The following AGAP1 variants were observed in gnomAD, a reference collection of about 807,000 sequenced individuals.
The protein encoded by AGAP1 is ArfGAP with GTPase domain, ankyrin repeat and PH domain 1.
Under a neutral mutation model 105.3 loss-of-function variants are expected in AGAP1, and 29 were observed. The observed-to-expected ratio is 0.28, with a 90% confidence interval of 0.21 to 0.38. The LOEUF is 0.38. AGAP1 is among the 10% of genes least tolerant of loss of function. The pLI is 1.00. For synonymous variants in AGAP1, 509 were observed against 485.9 expected, an observed-to-expected ratio of 1.05 and a Z score of -0.63; for missense variants, 998 against 1,165.1, an observed-to-expected ratio of 0.86 and a Z score of 2.09.
At chr2:235,781,337 T>C (rs985172771) in intron 6 of AGAP1, among the ~76,000 whole-genome samples, 1 of 152,256 alleles carries the variant, frequency 6.6e-6, no homozygotes, top group African/African-American at 2.4e-5. Flanking sequence ...CTTGGATTCA[T>C]TCCCTGGAAA....
At chr2:235,510,694 G>C (rs1002780217) in intron 1 of AGAP1, among the ~76,000 whole-genome samples, 2 of 152,190 alleles carry the variant, frequency 1.3e-5, no homozygotes, top group African/African-American at 4.8e-5. Flanking sequence ...CTTAAGTTCA[G>C]CAGGCTTCTG....
rs1194868011 is a variant in AGAP1 at position 236,109,028 on chromosome 2, CTG to C, written c.2115-11159_2115-11158del. The stretch of plus-strand genomic sequence containing the variant: ...AGGACCAAAACACAGCTGATGGTGG[CTG>C]TGTGAGACCTCATCTTTGCAGCTCT... On this transcript the variant is annotated intron_variant, in intron 16 of 17. Transcript: ENST00000304032. This position sits in a 1 kb window ranked among gnomAD's most constrained non-coding sequence, Gnocchi z 5.4. Among the ~76,000 whole-genome samples, 1 of 152,218 alleles carries C rather than the reference CTG, an allele frequency of 6.6e-6. No homozygotes were observed. The highest frequency in any genetic ancestry group is 1.5e-5 in the Non-Finnish European group (1 of 68,034).
At chr2:235,941,231 C>T (rs1330401604) in intron 12 of AGAP1, among the ~76,000 whole-genome samples, 1 of 152,126 alleles carries the variant, frequency 6.6e-6, no homozygotes, top group Non-Finnish European at 1.5e-5. Context: ...AACTGGTTTT[C>T]CTCCCTCGGA....
At position 236,120,375 on chromosome 2, in the gene AGAP1, G is replaced by A. The variant is rs572557291; in HGVS notation, c.2298G>A (p.Glu766=). Residue 766 remains glutamate (E), a synonymous_variant, in exon 17 of 18, where the codon GAG becomes GAA. Coordinates refer to ENST00000304032, the MANE Select transcript of AGAP1 (RefSeq NM_001037131.3). This position sits in a 1 kb window ranked among gnomAD's most constrained non-coding sequence, Gnocchi z 6.0. ...SRDEVNETCG[E]GDGRTALHLA... The stretch of plus-strand genomic sequence containing the variant: ...ACGAGGTGAACGAGACCTGCGGGGA[G>A]GGAGACGGCCGCACGGCGCTGCATC... 2 of 1,611,664 alleles carry A rather than the reference G, an allele frequency of 1.2e-6. No homozygotes were observed. The highest frequency in any genetic ancestry group is 4.5e-5 in the East Asian group (2 of 44,868).
intron 1 of AGAP1, among the ~76,000 whole-genome samples, chr2:235,554,145 G>A (rs933579585): frequency 4.6e-5 from 7 of 152,366 alleles, no homozygotes; most frequent in East Asian, 1.9e-4. Flanking sequence ...AGAAGCAGAA[G>A]GAGCCTATAA....
intron 1 of AGAP1, among the ~76,000 whole-genome samples, chr2:235,545,597 T>A (rs1943597629): frequency 1.3e-5 from 2 of 152,252 alleles, no homozygotes; most frequent in African/African-American, 4.8e-5. Context: ...CACTGGCCCG[T>A]GGGCGTCACT....
intron 13 of AGAP1, among the ~76,000 whole-genome samples, chr2:235,974,640 CCT>C (rs1262029542): frequency 3.9e-5 from 6 of 152,196 alleles, no homozygotes; most frequent in African/African-American, 1.4e-4. Flanking sequence ...CACAAACGGG[CCT>C]CTCACTGTTA....
In AGAP1 at chr2:235,789,610, A is replaced by G. The variant is rs1192634393; in HGVS notation, c.674-8149A>G. ...TTAACCACAGCCTATTTTAGATTAG[A>G]GGGTTGTTTGCTCAAAAAAAAAATA... On this transcript the variant is annotated intron_variant, in intron 6 of 17. Coordinates refer to ENST00000304032, the MANE Select transcript of AGAP1 (RefSeq NM_001037131.3). This position sits in a 1 kb window ranked among gnomAD's most constrained non-coding sequence, Gnocchi z 4.2. Among the ~76,000 whole-genome samples the G allele has an allele frequency of 1.3e-5, 2 of 151,688 alleles. No individual in the cohort carries two copies. Among genetic ancestry groups the G allele is most frequent in the African/African-American group, 4.9e-5 (2 of 41,110 alleles).
At chr2:235,868,555 T>A (rs1376642014) in intron 9 of AGAP1, among the ~76,000 whole-genome samples, 1 of 152,154 alleles carries the variant, frequency 6.6e-6, no homozygotes, top group Admixed American at 6.5e-5. Context: ...GTAACGATGA[T>A]CCCTGTGCGA....
rs1443222643 is a variant in AGAP1, at chr2:235,552,798, G to C, written c.163+57949G>C. Among the ~76,000 whole-genome samples, 1 of 152,226 alleles carries C rather than the reference G, an allele frequency of 6.6e-6. No homozygotes were observed. Among genetic ancestry groups the C allele is most frequent in the Non-Finnish European group, 1.5e-5 (1 of 68,040 alleles). On this transcript the variant is annotated intron_variant, in intron 1 of 17. Coordinates refer to ENST00000304032, the MANE Select transcript of AGAP1 (RefSeq NM_001037131.3). The surrounding 1 kb of genome is among the most constrained non-coding windows in gnomAD (Gnocchi z 5.9). ...AGTTTCAGAAAGCCAGCTGCAGAAT[G>C]CAGTGCCTGACAGAGTGTGATGGGC...
chr2:235,852,766 C>G (rs1224041108), intron 9 of AGAP1: 6 of 1,535,372 alleles, frequency 3.9e-6, no homozygotes, highest in South Asian at 1.2e-5. Context: ...AGTCCTCCCC[C>G]TGGCCAGGGC....
intron 1 of AGAP1, among the ~76,000 whole-genome samples, chr2:235,579,937 G>A (rs1319415621): frequency 6.6e-6 from 1 of 152,124 alleles, no homozygotes; most frequent in Admixed American, 6.5e-5. Flanking sequence ...CCTGACGACC[G>A]CCAGTCTTCT....
intron 1 of AGAP1, among the ~76,000 whole-genome samples, chr2:235,498,288 A>G (rs528494479): frequency 1.3e-5 from 2 of 152,140 alleles, no homozygotes; most frequent in East Asian, 3.9e-4. Flanking sequence ...TTTGTTTTGT[A>G]CATTGAGAGG....
At chr2:235,678,568 A>G (rs1257195702) in intron 1 of AGAP1, among the ~76,000 whole-genome samples, 2 of 152,154 alleles carry the variant, frequency 1.3e-5, no homozygotes, top group Non-Finnish European at 2.9e-5. Context: ...TGCTGGTAGA[A>G]TTGATGGACT....
rs200110792 is a variant in AGAP1, at chr2:235,950,887, C to CTTTT, written c.1484-17546_1484-17543dup. 1.7e-3 allele frequency among the ~76,000 whole-genome samples: 199 copies of CTTTT among 118,194 alleles called. 5 individuals carry two copies. The highest frequency in any genetic ancestry group is 4.2e-3 in the East Asian group (15 of 3,542). 77.5% of individuals were successfully genotyped at this position (118,194 alleles called of 152,430 possible). ...AAATGTAACTCGGGATCTCCAAGCACTTTTTTTTTTTTTTTTTTTTTTTTT... is the reference window on the plus strand; with the variant it reads ...AAATGTAACTCGGGATCTCCAAGCACTTTTTTTTTTTTTTTTTTTTTTTTTTTTT... On this transcript the variant is annotated intron_variant, in intron 12 of 17. Transcript: ENST00000304032.
At chr2:235,583,254 G>A (rs957267287) in intron 1 of AGAP1, among the ~76,000 whole-genome samples, 4 of 152,044 alleles carry the variant, frequency 2.6e-5, no homozygotes, top group African/African-American at 9.7e-5. Flanking sequence ...GAGTGCAGCA[G>A]CCATAAACAT....
At position 236,123,097 on chromosome 2, in the gene AGAP1, AG is replaced by A. The variant is rs1270424754; in HGVS notation, c.2371-819del. On this transcript the variant is annotated intron_variant, in intron 17 of 17. Coordinates refer to ENST00000304032, the MANE Select transcript of AGAP1 (RefSeq NM_001037131.3). The surrounding 1 kb of genome is among the most constrained non-coding windows in gnomAD (Gnocchi z 4.6). Reference sequence around the variant, plus strand: ...CATGCTTTTTGAGGGGTGGGGAGACAGGGTCTCACTCTGTTGCCCAGGCTGG... The same window carrying A: ...CATGCTTTTTGAGGGGTGGGGAGACAGGTCTCACTCTGTTGCCCAGGCTGG... 6.6e-6 allele frequency among the ~76,000 whole-genome samples: 1 copy of A among 152,036 alleles called. No individual in the cohort carries two copies. Among genetic ancestry groups the A allele is most frequent in the Non-Finnish European group, 1.5e-5 (1 of 68,010 alleles).
chr2:235,604,874 G>A (rs1295026800), intron 1 of AGAP1, among the ~76,000 whole-genome samples: 3 of 150,636 alleles, frequency 2.0e-5, no homozygotes, highest in Non-Finnish European at 4.4e-5. Context: ...GAGCCATCGC[G>A]CCCAGCCTAT....
At chr2:235,524,118 C>T (rs969371284) in intron 1 of AGAP1, among the ~76,000 whole-genome samples, 2 of 152,222 alleles carry the variant, frequency 1.3e-5, no homozygotes, top group East Asian at 1.9e-4. Flanking sequence ...GACGCTCCAT[C>T]GGAAATGCTG....
Sources: allele counts gnomAD v4.1 joint callset (sites outside exome capture counted in the v4.1 genomes callset), GRCh38; gene constraint gnomAD v4.1.1; non-coding constraint Gnocchi (gnomAD v3.1); transcripts MANE v1.5; gene names NCBI Gene and HGNC (gene_info 2026-07-23, HGNC 2026-07-21).